NIPBL: variants seen among roughly 807,000 people sequenced by gnomAD.
NIPBL encodes the protein nipped-B-like protein.
NIPBL carries 19 observed loss-of-function variants against 321.8 expected under a neutral mutation model. The observed-to-expected ratio is 0.06, with a 90% CI of 0.04 to 0.09. The LOEUF (loss-of-function observed/expected upper bound fraction) is 0.09. Among genes scored for constraint, NIPBL ranks in the 10% least tolerant of loss-of-function variants. The pLI, the probability that NIPBL is intolerant of heterozygous loss-of-function variation, is 1.00. For synonymous variants in NIPBL, 1,106 were observed against 1,114.1 expected (o/e 0.99, Z 0.14); for missense variants, 2,210 against 3,327.0 (o/e 0.66, Z 8.26).
intron 1 of NIPBL, among the ~76,000 whole-genome samples, chr5:36,947,396 G>A (rs1168813885): frequency 6.6e-6 from 1 of 151,890 alleles, no homozygotes; most frequent in African/African-American, 2.4e-5. Context: ...TCCATCCTCT[G>A]TCTCTTTCTC....
intron 44 of NIPBL, 95 bp downstream of exon 44, chr5:37,059,260 A>G: frequency 7.2e-7 from 1 of 1,379,782 alleles, no homozygotes; most frequent in Non-Finnish European, 1.0e-6. Context: ...TAATCCCAAC[A>G]TTTTGGGAGG....
chr5:36,984,231 T>C (rs1384900105), intron 9 of NIPBL, among the ~76,000 whole-genome samples: 2 of 152,080 alleles, frequency 1.3e-5, no homozygotes, highest in East Asian at 3.8e-4. Flanking sequence ...GTTTGGTATA[T>C]TGGCAGATTT....
At chr5:36,982,141 T>C (rs1210309930) in intron 9 of NIPBL, 5 of 692,180 alleles carry the variant, frequency 7.2e-6, no homozygotes, top group Non-Finnish European at 8.9e-6. Context: ...ATTATGATAA[T>C]CCTTTTGTAT....
At chr5:36,898,560 G>A (rs1231415078) in intron 1 of NIPBL, among the ~76,000 whole-genome samples, 1 of 143,188 alleles carries the variant, frequency 7.0e-6, no homozygotes, top group Non-Finnish European at 1.5e-5. Flanking sequence ...TGCCCAGGCT[G>A]GAGTGCAGTG....
rs61748200 is a variant in NIPBL at position 37,036,390 on chromosome 5, C to A, written c.5874C>A (p.Ser1958=). ...FEQLLQNLLK[S]EEDSSYKPVK... is the part of the protein sequence containing the mutation. The stretch of plus-strand genomic sequence containing the variant: ...ATATGTATATATAGTTGTTGAAGTC[C>A]GAAGAGGATTCCTCATATAAACCTG... Residue 1958 remains serine, a synonymous_variant, in exon 33 of 47, where the codon TCC becomes TCA. Coordinates refer to ENST00000282516, the MANE Select transcript of NIPBL (RefSeq NM_133433.4). 1 of 1,279,348 alleles carries A rather than the reference C, an allele frequency of 7.8e-7. No homozygotes were observed. The highest frequency in any genetic ancestry group is 1.0e-6 in the Non-Finnish European group (1 of 977,446). The allele number at this position is 1,279,348 out of a possible 1,614,324, so 79.2% of individuals were successfully genotyped here.
At chr5:36,947,832 T>C (rs1407917494) in intron 1 of NIPBL, among the ~76,000 whole-genome samples, 1 of 151,946 alleles carries the variant, frequency 6.6e-6, no homozygotes, top group Non-Finnish European at 1.5e-5. Flanking sequence ...CCCTAATCAT[T>C]GTTAAAGGTT....
At chr5:36,911,528 T>C (rs978180356) in intron 1 of NIPBL, among the ~76,000 whole-genome samples, 1 of 152,190 alleles carries the variant, frequency 6.6e-6, no homozygotes, top group Non-Finnish European at 1.5e-5. Context: ...ATGACCCTTG[T>C]TATTTTCTAC....
chr5:37,034,668 A>G (rs2149715663), intron 32 of NIPBL, among the ~76,000 whole-genome samples: 1 of 152,354 alleles, frequency 6.6e-6, no homozygotes, highest in South Asian at 2.1e-4. Flanking sequence ...TCAAAGAAAA[A>G]TATAAATAGC....
At chr5:36,899,184 GA>G (rs1747018744) in intron 1 of NIPBL, among the ~76,000 whole-genome samples, 1 of 152,104 alleles carries the variant, frequency 6.6e-6, no homozygotes, top group Admixed American at 6.5e-5. Flanking sequence ...TAGACTCAGT[GA>G]AAGAGACAGT....
intron 1 of NIPBL, among the ~76,000 whole-genome samples, chr5:36,891,335 C>T (rs1333414270): frequency 6.6e-6 from 1 of 152,144 alleles, no homozygotes; most frequent in Non-Finnish European, 1.5e-5. Context: ...AGTTTATAGA[C>T]AGGTAAACAG....
chr5:36,901,087 T>C (rs1397637943), intron 1 of NIPBL, among the ~76,000 whole-genome samples: 1 of 152,166 alleles, frequency 6.6e-6, no homozygotes, highest in African/African-American at 2.4e-5. Context: ...TAGTTTTTGA[T>C]CTCCACCCTT....
intron 1 of NIPBL, among the ~76,000 whole-genome samples, chr5:36,927,293 G>T (rs1273825302): frequency 6.6e-6 from 1 of 152,154 alleles, no homozygotes; most frequent in Non-Finnish European, 1.5e-5. Flanking sequence ...GAGGAGAAAA[G>T]AATATCAAGG....
At chr5:36,977,081 A>C (rs555096093) in intron 9 of NIPBL, among the ~76,000 whole-genome samples, 1 of 152,134 alleles carries the variant, frequency 6.6e-6, no homozygotes, top group East Asian at 1.9e-4. Flanking sequence ...AAATAAATTC[A>C]TAGTAAGTTC....
intron 32 of NIPBL, 32 bp from the exon 33 acceptor site, chr5:37,036,337 ATATATATATG>A (rs1359795484): frequency 4.3e-6 from 2 of 460,484 alleles, no homozygotes; most frequent in Non-Finnish European, 6.2e-6. Flanking sequence ...TCTTTTTTGT[ATATATATATG>A]TATATATATA....
chr5:37,064,949 GA>G lies in NIPBL; in HGVS notation c.*60del. On this transcript the variant is annotated 3_prime_UTR_variant, in exon 47 of 47. Transcript: ENST00000282516. Reference sequence around the variant, plus strand: ...ATTTTTTTAAAAGGCAGAAAAACTTGAAATACCAACATTCTGGCAAAAAAAA... The same window carrying G: ...ATTTTTTTAAAAGGCAGAAAAACTTGAATACCAACATTCTGGCAAAAAAAA... 1.2e-6 allele frequency: 2 copies of G among 1,603,806 alleles called. No homozygotes were observed. The highest frequency in any genetic ancestry group is 1.7e-6 in the Non-Finnish European group (2 of 1,172,484).
rs757752804 is a variant in NIPBL, at chr5:37,020,897, C to T, written c.5328+20C>T. 4.0e-6 allele frequency: 6 copies of T among 1,497,732 alleles called. No homozygotes were observed. The highest frequency in any genetic ancestry group is 1.7e-5 in the Admixed American group (1 of 59,862). 92.8% of individuals were successfully genotyped at this position (1,497,732 alleles called of 1,614,324 possible). On this transcript the variant is annotated intron_variant, in intron 27 of 46. Coordinates refer to ENST00000282516, the MANE Select transcript of NIPBL (RefSeq NM_133433.4). ...ACACAGGTAAACTGGATAAGAATTC[C>T]TTATACAGTGATATTGATTTTTCTG...
At chr5:36,901,185 A>G (rs1472112860) in intron 1 of NIPBL, among the ~76,000 whole-genome samples, 3 of 152,220 alleles carry the variant, frequency 2.0e-5, no homozygotes, top group African/African-American at 7.2e-5. Flanking sequence ...TACAAGAGAT[A>G]ACATGCAGTA....
chr5:36,910,664 T>C (rs543314992), intron 1 of NIPBL, among the ~76,000 whole-genome samples: 4 of 152,334 alleles, frequency 2.6e-5, no homozygotes, highest in African/African-American at 9.6e-5. Context: ...CTCTTTACTC[T>C]ATAATTTATT....
intron 1 of NIPBL, among the ~76,000 whole-genome samples, chr5:36,945,771 G>T (rs991890390): frequency 6.6e-6 from 1 of 152,152 alleles, no homozygotes; most frequent in Non-Finnish European, 1.5e-5. Flanking sequence ...TTTGAGGTAG[G>T]ATTTGAGGAA....
Sources: allele counts gnomAD v4.1 joint callset (sites outside exome capture counted in the v4.1 genomes callset), GRCh38; gene constraint gnomAD v4.1.1; transcripts MANE v1.5; gene names NCBI Gene and HGNC (gene_info 2026-07-23, HGNC 2026-07-21).